The following ADGRV1 variants were observed in gnomAD, a reference collection of about 807,000 sequenced individuals.
ADGRV1 encodes the protein adhesion G protein-coupled receptor V1.
ADGRV1 carries 359 observed loss-of-function variants against 596.2 expected under a neutral mutation model. The observed-to-expected ratio is 0.60, with a 90% CI of 0.55 to 0.66. ADGRV1 has a LOEUF of 0.66. Among genes scored for constraint, ADGRV1 ranks in the 30% least tolerant of loss-of-function variants. The pLI, the probability that ADGRV1 is intolerant of heterozygous loss-of-function variation, is 0.00. For synonymous variants in ADGRV1, 2,681 were observed against 2,679.2 expected (o/e 1.00, Z -0.02); for missense variants, 7,274 against 7,575.6 (o/e 0.96, Z 1.48).
intron 54 of ADGRV1, among the ~76,000 whole-genome samples, chr5:90,754,383 T>C (rs1320948415): frequency 1.3e-5 from 2 of 152,184 alleles, no homozygotes; most frequent in African/African-American, 4.8e-5. Context: ...AACATGGACA[T>C]CCAGCTTTCA....
chr5:90,695,665 A>C (rs1040013155), intron 33 of ADGRV1, among the ~76,000 whole-genome samples: 1 of 148,028 alleles, frequency 6.8e-6, no homozygotes, highest in Non-Finnish European at 1.5e-5. Context: ...GTCATGGTAC[A>C]TATGTAATAC....
At chr5:90,926,584 G>T (rs894301864) in intron 83 of ADGRV1, among the ~76,000 whole-genome samples, 99 of 151,856 alleles carry the variant, frequency 6.5e-4, no homozygotes, top group Non-Finnish European at 9.6e-4. Flanking sequence ...CAAAAAACCA[G>T]CTCCTGGATT....
At position 90,960,380 on chromosome 5, in the gene ADGRV1, C is replaced by T. The variant is rs192332610; in HGVS notation, c.17857-5035C>T. Among the ~76,000 whole-genome samples, 6 of 152,248 alleles carry T rather than the reference C, an allele frequency of 3.9e-5. No homozygotes were observed. In the East Asian group the frequency reaches 5.8e-4, roughly 15 times the overall value. ...AAGCTGTTTTTTAAACAAACACCTA[C>T]TATGTTCAAACTCGATAGAATTCCG... On this transcript the variant is annotated intron_variant, in intron 83 of 89. Transcript: ENST00000405460.
chr5:91,108,267 GA>G (rs1453938300), intron 87 of ADGRV1, among the ~76,000 whole-genome samples: 5 of 152,132 alleles, frequency 3.3e-5, no homozygotes, highest in Admixed American at 2.6e-4. Context: ...TTAACAGTAA[GA>G]TTTTTTAAGT....
At chr5:91,133,992 TA>T (rs994105611) in intron 87 of ADGRV1, among the ~76,000 whole-genome samples, 1 of 152,168 alleles carries the variant, frequency 6.6e-6, no homozygotes, top group Non-Finnish European at 1.5e-5. Flanking sequence ...AATAATTTAA[TA>T]AAATGAAAAT....
intron 83 of ADGRV1, among the ~76,000 whole-genome samples, chr5:90,928,236 T>C (rs547186299): frequency 1.3e-5 from 2 of 152,268 alleles, no homozygotes; most frequent in East Asian, 3.9e-4. Flanking sequence ...TTTTCCACCT[T>C]GGTTCCATTC....
chr5:91,052,842 A>T (rs12188056), intron 85 of ADGRV1, among the ~76,000 whole-genome samples: 11 of 152,314 alleles, frequency 7.2e-5, no homozygotes, highest in East Asian at 3.9e-4. Flanking sequence ...AATTTAGATT[A>T]AAAAAGTCAG....
At chr5:90,827,250 T>C (rs1764145358) in intron 76 of ADGRV1, among the ~76,000 whole-genome samples, 1 of 152,170 alleles carries the variant, frequency 6.6e-6, no homozygotes, top group Non-Finnish European at 1.5e-5. Context: ...TGGGCTCTTA[T>C]GAGGTCTCTG....
At chr5:90,718,678 T>G (rs1328442228) in intron 43 of ADGRV1, among the ~76,000 whole-genome samples, 1 of 152,008 alleles carries the variant, frequency 6.6e-6, no homozygotes. Flanking sequence ...GCAAGATCAC[T>G]TACATTTAAA....
intron 85 of ADGRV1, chr5:91,030,860 A>G (rs572014328): frequency 2.1e-5 from 9 of 433,762 alleles, no homozygotes; most frequent in African/African-American, 1.4e-4. Context: ...CCCTAATTAC[A>G]TGTTTTTGAA....
chr5:90,593,593 G>A (rs1759826304), intron 1 of ADGRV1, among the ~76,000 whole-genome samples: 1 of 152,118 alleles, frequency 6.6e-6, no homozygotes. Flanking sequence ...AGAACTTAAA[G>A]TATAATAATA....
intron 85 of ADGRV1, among the ~76,000 whole-genome samples, chr5:91,035,907 T>G (rs1784876072): frequency 1.2e-5 from 1 of 83,068 alleles, no homozygotes; most frequent in Admixed American, 1.3e-4. Context: ...TAGCACCTGG[T>G]AGGCACTATA....
chr5:90,666,190 A>G (rs1771343538), intron 21 of ADGRV1, among the ~76,000 whole-genome samples: 3 of 150,890 alleles, frequency 2.0e-5, no homozygotes, highest in Non-Finnish European at 4.4e-5. Flanking sequence ...TGTCTCGTTG[A>G]TCTGTCTAAT....
intron 59 of ADGRV1, among the ~76,000 whole-genome samples, chr5:90,766,486 A>G (rs1434073156): frequency 1.3e-5 from 2 of 152,200 alleles, no homozygotes; most frequent in African/African-American, 2.4e-5. Flanking sequence ...ACAATGTCAA[A>G]CTTACAAAAA....
At chr5:90,821,732 G>A (rs911920299) in intron 75 of ADGRV1, among the ~76,000 whole-genome samples, 3 of 151,854 alleles carry the variant, frequency 2.0e-5, no homozygotes, top group Non-Finnish European at 2.9e-5. Flanking sequence ...CTGCTTCGGG[G>A]TCAGGGGTCA....
chr5:90,997,126 G>A (rs184258083), intron 85 of ADGRV1, among the ~76,000 whole-genome samples: 1 of 152,274 alleles, frequency 6.6e-6, no homozygotes, highest in African/African-American at 2.4e-5. Context: ...AGATATGATT[G>A]TGTTTTGAAA....
Position 91,011,791 on chromosome 5 carries a change from G to A in ADGRV1, c.18152+26269G>A, listed in dbSNP as rs548405355. Among the ~76,000 whole-genome samples, 12 of 151,836 alleles carry A rather than the reference G, an allele frequency of 7.9e-5. No individual in the cohort carries two copies. The East Asian group carries it at 1.2e-3, about 15-fold the overall frequency. On this transcript the variant is annotated intron_variant, in intron 85 of 89. Transcript: ENST00000405460. ...AAGCAATGCTAACAGAAATGGTTTC[G>A]TGGTTAATAAAGCTACTTTATTAGC...
At position 90,629,853 on chromosome 5, in the gene ADGRV1, G is replaced by A. The variant is rs1765268306; in HGVS notation, c.1839+314G>A. On this transcript the variant is annotated intron_variant, in intron 9 of 89. Transcript: ENST00000405460. ...GTAGAGTAACTTACAAACTATTACAGGGGAGGGCGAGAGAAAGAGAGGCTA... is the reference window on the plus strand; with the variant it reads ...GTAGAGTAACTTACAAACTATTACAAGGGAGGGCGAGAGAAAGAGAGGCTA... 3 of 192,300 alleles carry A rather than the reference G, an allele frequency of 1.6e-5. No individual in the cohort carries two copies. The Admixed American group carries it at 1.7e-4, about 11-fold the overall frequency. 11.9% of individuals were successfully genotyped at this position (192,300 alleles called of 1,614,324 possible). A position where few individuals can be genotyped will look rare whatever the true frequency, so the allele number is the denominator to read the frequency against.
In ADGRV1 at chr5:90,747,621, C is replaced by T. The variant is rs376740474; in HGVS notation, c.10974+1826C>T. Among the ~76,000 whole-genome samples the T allele has an allele frequency of 4.6e-5, 7 of 152,218 alleles. No individual in the cohort carries two copies. The East Asian group carries it at 1.2e-3, about 25-fold the overall frequency. ...GCCAACCAGGGAAGCATACTAGGGACTCAGTGCCCAGGATTTTAACTGGGG... is the reference window on the plus strand; with the variant it reads ...GCCAACCAGGGAAGCATACTAGGGATTCAGTGCCCAGGATTTTAACTGGGG... On this transcript the variant is annotated intron_variant, in intron 52 of 89. Transcript: ENST00000405460.
Sources: gnomAD v4.1 joint callset for allele counts (sites outside exome capture counted in the v4.1 genomes callset) on GRCh38, gnomAD v4.1.1 for gene constraint, MANE v1.5 for transcripts, NCBI Gene and HGNC (gene_info 2026-07-23, HGNC 2026-07-21) for gene names.